Variants in GID8 observed in about 807,000 individuals in gnomAD.
The protein encoded by GID8 is glucose-induced degradation protein 8 homolog.
In GID8, 6 loss-of-function variants were observed where a neutral mutation model predicts 27.4. The observed-to-expected ratio is 0.22, with a 90% CI of 0.12 to 0.43. GID8 has a LOEUF of 0.43. Among genes scored for constraint, GID8 ranks in the 20% least tolerant of loss-of-function variants. The pLI is 1.00. For synonymous variants in GID8, 112 were observed against 109.0 expected, an observed-to-expected ratio of 1.03 and a Z score of -0.17; for missense variants, 173 against 287.6, an observed-to-expected ratio of 0.60 and a Z score of 2.88.
Position 62,943,239 on chromosome 20 carries a change from T to TATAA in GID8, c.315+56_315+57insATAA. 7.6e-7 allele frequency: 1 copy of TATAA among 1,309,272 alleles called. No individual in the cohort carries two copies. The highest frequency in any genetic ancestry group is 2.2e-4 in the Middle Eastern group (1 of 4,610). The allele number at this position is 1,309,272 out of a possible 1,614,324, so 81.1% of individuals were successfully genotyped here. A position where few individuals can be genotyped will look rare whatever the true frequency, so the allele number is the denominator to read the frequency against. ...TGAATACTTGATAAGTTAAAGTTAT[T>TATAA]TGCAATGATTGAGAAATAACTAGGC... is the stretch of plus-strand genomic sequence containing the variant. On this transcript the variant is annotated intron_variant, in intron 3 of 4. Transcript: ENST00000266069. The surrounding 1 kb of genome is among the most constrained non-coding windows in gnomAD (Gnocchi z 4.7).
In GID8 at chr20:62,945,680, T is replaced by G; in HGVS notation, c.*768T>G. ...AAGATGTTAATCATCTCAAATGACC[T>G]TTTGTCTTTGGGGCGTTCTTCCCCC... On this transcript the variant is annotated 3_prime_UTR_variant, in exon 5 of 5. Coordinates refer to ENST00000266069, the MANE Select transcript of GID8 (RefSeq NM_017896.3). 1 of 1,184,288 alleles carries G rather than the reference T, an allele frequency of 8.4e-7. No individual in the cohort carries two copies. The highest frequency in any genetic ancestry group is 1.1e-6 in the Non-Finnish European group (1 of 937,488). The allele number at this position is 1,184,288 out of a possible 1,614,324, so 73.4% of individuals were successfully genotyped here.
At chr20:62,940,144 G>A (rs1157506425) in intron 1 of GID8, among the ~76,000 whole-genome samples, 1 of 151,652 alleles carries the variant, frequency 6.6e-6, no homozygotes, top group East Asian at 1.9e-4. Flanking sequence ...ACTCACGGCA[G>A]ATTTGGCCTC....
rs1303372714 is a variant in GID8 at position 62,943,961 on chromosome 20, A to T, written c.513+269A>T. Reference sequence around the variant, plus strand: ...AGCGATTCTCCTGCCTCTGCCTCCCAAGTAGCTGGGACTACAGGAGTGTGC... The same window carrying T: ...AGCGATTCTCCTGCCTCTGCCTCCCTAGTAGCTGGGACTACAGGAGTGTGC... On this transcript the variant is annotated intron_variant, in intron 4 of 4. Coordinates refer to ENST00000266069, the MANE Select transcript of GID8 (RefSeq NM_017896.3). The surrounding 1 kb of genome is among the most constrained non-coding windows in gnomAD (Gnocchi z 4.7). Among the ~76,000 whole-genome samples the T allele has an allele frequency of 6.6e-6, 1 of 150,558 alleles. No homozygotes were observed. Among genetic ancestry groups the T allele is most frequent in the African/African-American group, 2.4e-5 (1 of 40,898 alleles).
intron 1 of GID8, chr20:62,938,516 C>A (rs895265464): frequency 1.3e-5 from 2 of 151,308 alleles, no homozygotes; most frequent in African/African-American, 4.9e-5. Context: ...TCCCGGCCAG[C>A]CTGAGGGGCG....
Position 62,940,375 on chromosome 20 carries a change from A to G in GID8, c.-12-1116A>G, listed in dbSNP as rs1016293906. The stretch of plus-strand genomic sequence containing the variant: ...AATTTTTTTTTTTTTTTTGAGACGG[A>G]GTCTTGTTCTGTCGCCCAGGCTGGA... On this transcript the variant is annotated intron_variant, in intron 1 of 4. Coordinates refer to ENST00000266069, the MANE Select transcript of GID8 (RefSeq NM_017896.3). Among the ~76,000 whole-genome samples, 42 of 98,534 alleles carry G rather than the reference A, an allele frequency of 4.3e-4. 2 individuals are homozygous for G. Among genetic ancestry groups the G allele is most frequent in the Admixed American group, 6.8e-4 (6 of 8,834 alleles). The allele number at this position is 98,534 out of a possible 152,430, so 64.6% of individuals were successfully genotyped here. A position where few individuals can be genotyped will look rare whatever the true frequency, so the allele number is the denominator to read the frequency against.
At position 62,945,761 on chromosome 20, in the gene GID8, C is replaced by G; in HGVS notation, c.*849C>G. ...CTGCAGCTGGAAAGGCCACTTGGCC[C>G]TGTGCTGAGTGAGCGGCCTTCATTA... On this transcript the variant is annotated 3_prime_UTR_variant, in exon 5 of 5. Transcript: ENST00000266069. 8.0e-7 allele frequency: 1 copy of G among 1,251,854 alleles called. No individual in the cohort carries two copies. The allele number at this position is 1,251,854 out of a possible 1,614,324, so 77.5% of individuals were successfully genotyped here.
At position 62,943,875 on chromosome 20, in the gene GID8, G is replaced by A. The variant is rs2065454705; in HGVS notation, c.513+183G>A. 7.0e-6 allele frequency among the ~76,000 whole-genome samples: 1 copy of A among 142,278 alleles called. No individual in the cohort carries two copies. Among genetic ancestry groups the A allele is most frequent in the Non-Finnish European group, 1.5e-5 (1 of 66,490 alleles). The allele number at this position is 142,278 out of a possible 152,430, so 93.3% of individuals were successfully genotyped here. A position where few individuals can be genotyped will look rare whatever the true frequency, so the allele number is the denominator to read the frequency against. On this transcript the variant is annotated intron_variant, in intron 4 of 4. Coordinates refer to ENST00000266069, the MANE Select transcript of GID8 (RefSeq NM_017896.3). This position sits in a 1 kb window ranked among gnomAD's most constrained non-coding sequence, Gnocchi z 4.7. ...TTTGGAGGTGAAGTCTTGTTCTGTCGCCCAGGCTGGAGTGCAGTGACGAGA... is the reference window on the plus strand; with the variant it reads ...TTTGGAGGTGAAGTCTTGTTCTGTCACCCAGGCTGGAGTGCAGTGACGAGA...
At chr20:62,942,801 T>A (rs2065449252) in intron 2 of GID8, among the ~76,000 whole-genome samples, 186 bp from the exon 3 acceptor site, 1 of 152,256 alleles carries the variant, frequency 6.6e-6, no homozygotes, top group Non-Finnish European at 1.5e-5. Context: ...TATACTCTTC[T>A]CATTTTCTAT....
chr20:62,946,169 C>A lies in GID8; in HGVS notation c.*1257C>A. The A allele has an allele frequency of 4.0e-6, 2 of 500,344 alleles. No homozygotes were observed. Among genetic ancestry groups the A allele is most frequent in the Non-Finnish European group, 6.5e-6 (2 of 308,768 alleles). 31.0% of individuals were successfully genotyped at this position (500,344 alleles called of 1,614,324 possible). A position where few individuals can be genotyped will look rare whatever the true frequency, so the allele number is the denominator to read the frequency against. On this transcript the variant is annotated 3_prime_UTR_variant, in exon 5 of 5. Transcript: ENST00000266069. The stretch of plus-strand genomic sequence containing the variant: ...ATGTTCGTGGAATTGCTGACCCATC[C>A]AAGGGCGTCCTTTGGAGCCAGTGGA...
In GID8 at chr20:62,944,773, A is replaced by G. The variant is rs761574215; in HGVS notation, c.548A>G (p.Tyr183Cys). The G allele has an allele frequency of 1.2e-6, 2 of 1,614,030 alleles. No individual in the cohort carries two copies. The highest frequency in any genetic ancestry group is 1.7e-6 in the Non-Finnish European group (2 of 1,179,948). Residue 183 changes from tyrosine (Y) to cysteine (C), a missense_variant, in exon 5 of 5, where the codon TAT (tyrosine) becomes TGT (cysteine). Physicochemically the swap from Tyr to Cys is radical, Grantham distance 194. Transcript: ENST00000266069. ...GAAGTTAACCAAGCTGTGCTAGATT[A>G]TGAAAATCGCGAGTCAACACCCAAA... ...WSEVNQAVLD[Y>C]ENRESTPKLA... is the part of the protein sequence containing the mutation.
rs753601523 is a variant in GID8, at chr20:62,943,542, G to A, written c.363G>A (p.Ala121=). ...ELIRQRETEA[A]LEFAQTQLAE... ...TCCGCCAGCGGGAGACAGAGGCGGC[G>A]CTGGAGTTTGCACAGACTCAGCTGG... Residue 121 remains alanine (A), a synonymous_variant, in exon 4 of 5, where the codon GCG becomes GCA. Transcript: ENST00000266069. The surrounding 1 kb of genome is among the most constrained non-coding windows in gnomAD (Gnocchi z 4.7). 10 of 1,613,120 alleles carry A rather than the reference G, an allele frequency of 6.2e-6. No homozygotes were observed. Among genetic ancestry groups the A allele is most frequent in the South Asian group, 1.1e-5 (1 of 91,056 alleles).
Position 62,946,147 on chromosome 20 carries a change from T to C in GID8, c.*1235T>C. ...GTGCTAAGTGTTGGTTTAGTGGATG[T>C]TCGTGGAATTGCTGACCCATCCAAG... On this transcript the variant is annotated 3_prime_UTR_variant, in exon 5 of 5. Coordinates refer to ENST00000266069, the MANE Select transcript of GID8 (RefSeq NM_017896.3). 1 of 710,662 alleles carries C rather than the reference T, an allele frequency of 1.4e-6. No individual in the cohort carries two copies. The highest frequency in any genetic ancestry group is 2.1e-6 in the Non-Finnish European group (1 of 485,744). 44.0% of individuals were successfully genotyped at this position (710,662 alleles called of 1,614,324 possible).
rs530468282 is a variant in GID8 at position 62,946,328 on chromosome 20, C to T, written c.*1416C>T. 1.8e-5 allele frequency: 5 copies of T among 274,624 alleles called. No homozygotes were observed. The highest frequency in any genetic ancestry group is 3.6e-5 in the Non-Finnish European group (5 of 137,378). 17.0% of individuals were successfully genotyped at this position (274,624 alleles called of 1,614,324 possible). ...CCAGCTTGCCAGTACCTGAGCCGGT[C>T]GGGTCATCTGCCTCTGAGGGACCGT... On this transcript the variant is annotated 3_prime_UTR_variant, in exon 5 of 5. Transcript: ENST00000266069.
chr20:62,944,504 C>A (rs570567690), intron 4 of GID8, among the ~76,000 whole-genome samples: 1 of 152,280 alleles, frequency 6.6e-6, no homozygotes, highest in African/African-American at 2.4e-5. Flanking sequence ...TACCTCTCTC[C>A]CAGTCCCCTC....
Position 62,944,906 on chromosome 20 carries a change from C to T in GID8, c.681C>T (p.Pro227=), listed in dbSNP as rs1340879079. The change falls in exon 5 of 5, where the codon CCC becomes CCT. Residue 227 remains proline, a synonymous_variant. Transcript: ENST00000266069. The part of the protein sequence containing the change: ...TDLSKGVIEE[P]K ...TCAGCAAGGGTGTGATTGAGGAGCC[C>T]AAGTAGCGCCTGCGCTTGCGTGGTG... 6.2e-7 allele frequency: 1 copy of T among 1,611,242 alleles called. No individual in the cohort carries two copies. The highest frequency in any genetic ancestry group is 1.7e-5 in the Admixed American group (1 of 59,738).
rs1034494706 is a variant in GID8, at chr20:62,947,151, A to G, written c.*2239A>G. On this transcript the variant is annotated 3_prime_UTR_variant, in exon 5 of 5. Coordinates refer to ENST00000266069, the MANE Select transcript of GID8 (RefSeq NM_017896.3). ...ATGTCGGGGAGACTGGGAAGTCTCC[A>G]GCGTTACTGCTCTCCTTCCCTTCAT... 2.6e-5 allele frequency: 4 copies of G among 151,738 alleles called. No homozygotes were observed. The highest frequency in any genetic ancestry group is 6.6e-5 in the Admixed American group (1 of 15,240). 9.4% of individuals were successfully genotyped at this position (151,738 alleles called of 1,614,324 possible).
rs1290359027 is a variant in GID8, at chr20:62,948,192, C to G, written c.*3280C>G. ...AGTAACTGCTGCTCTGTTAACTGTTCTATTCTGATACTACGCGTGTTGTTT... is the reference window on the plus strand; with the variant it reads ...AGTAACTGCTGCTCTGTTAACTGTTGTATTCTGATACTACGCGTGTTGTTT... On this transcript the variant is annotated 3_prime_UTR_variant, in exon 5 of 5. Coordinates refer to ENST00000266069, the MANE Select transcript of GID8 (RefSeq NM_017896.3). 1 of 152,252 alleles carries G rather than the reference C, an allele frequency of 6.6e-6. No individual in the cohort carries two copies. Among genetic ancestry groups the G allele is most frequent in the Admixed American group, 6.5e-5 (1 of 15,288 alleles). The allele number at this position is 152,252 out of a possible 1,614,324, so 9.4% of individuals were successfully genotyped here. A position where few individuals can be genotyped will look rare whatever the true frequency, so the allele number is the denominator to read the frequency against.
chr20:62,945,573 T>A lies in GID8; in HGVS notation c.*661T>A, dbSNP rs2065462804. ...TGGTAAGAGACTTGTTCCTAGTGGATCAATGAACCATCTCTTCTGGGCAGT... is the reference window on the plus strand; with the variant it reads ...TGGTAAGAGACTTGTTCCTAGTGGAACAATGAACCATCTCTTCTGGGCAGT... On this transcript the variant is annotated 3_prime_UTR_variant, in exon 5 of 5. Coordinates refer to ENST00000266069, the MANE Select transcript of GID8 (RefSeq NM_017896.3). The A allele has an allele frequency of 8.8e-7, 1 of 1,142,734 alleles. No homozygotes were observed. Among genetic ancestry groups the A allele is most frequent in the Non-Finnish European group, 1.1e-6 (1 of 918,286 alleles). The allele number at this position is 1,142,734 out of a possible 1,614,324, so 70.8% of individuals were successfully genotyped here. A position where few individuals can be genotyped will look rare whatever the true frequency, so the allele number is the denominator to read the frequency against.
chr20:62,939,475 C>T (rs888225907), intron 1 of GID8, among the ~76,000 whole-genome samples: 1 of 146,318 alleles, frequency 6.8e-6, no homozygotes, highest in African/African-American at 2.5e-5. Context: ...AGCTCAGGAT[C>T]TGTAATTCAG....
Sources: gnomAD v4.1 joint callset for allele counts (sites outside exome capture counted in the v4.1 genomes callset) on GRCh38, gnomAD v4.1.1 for gene constraint, Gnocchi (gnomAD v3.1) non-coding constraint, MANE v1.5 for transcripts, NCBI Gene and HGNC (gene_info 2026-07-23, HGNC 2026-07-21) for gene names.